Variants in NUDT5 observed in about 807,000 individuals in gnomAD.
NUDT5 encodes the protein ADP-sugar pyrophosphatase.
A neutral mutation model predicts 34.1 loss-of-function variants in NUDT5; 21 were observed. The observed-to-expected ratio is 0.62, with a 90% confidence interval of 0.44 to 0.89. NUDT5 has a LOEUF of 0.89. Among genes scored for constraint, NUDT5 ranks in the 40% least tolerant of loss-of-function variants. The pLI is 0.00. For missense variants in NUDT5, 249 were observed against 274.8 expected, an observed-to-expected ratio of 0.91 and a Z score of 0.66; for synonymous variants, 85 against 97.6, an observed-to-expected ratio of 0.87 and a Z score of 0.76.
Position 12,174,588 on chromosome 10 carries a change from T to C in NUDT5, c.290-775A>G, listed in dbSNP as rs568481359. 2.0e-5 allele frequency among the ~76,000 whole-genome samples: 3 copies of C among 152,280 alleles called. No individual in the cohort carries two copies. In the South Asian group the frequency reaches 6.2e-4, roughly 32 times the overall value. ...CACTGTGCCCAGCTTGGAATTTTTA[T>C]AGAAACAAAAAGGCGAAAGAATAAA... On this transcript the variant is annotated intron_variant, in intron 5 of 9. Coordinates refer to ENST00000491614, the MANE Select transcript of NUDT5 (RefSeq NM_014142.4).
Position 12,172,635 on chromosome 10 carries a change from T to C in NUDT5, c.487+130A>G, listed in dbSNP as rs556203706. On this transcript the variant is annotated intron_variant, in intron 7 of 9. Transcript: ENST00000491614. ...TGATTAGGAAGAGAGACAAGAATAC[T>C]GATGAAGTCTATTTGAAAGACCGAT... The C allele has an allele frequency of 1.1e-5, 7 of 647,850 alleles. No homozygotes were observed. In the African/African-American group the frequency reaches 1.3e-4, roughly 12 times the overall value. 40.1% of individuals were successfully genotyped at this position (647,850 alleles called of 1,614,324 possible).
chr10:12,170,921 A>G lies in NUDT5; in HGVS notation c.488-13T>C. ...ATACCTCCATCCCCTGGAAATAAAC[A>G]GAAGGAAAACATTTCAGCAAGGCCT... On this transcript the variant is annotated splice_polypyrimidine_tract_variant and intron_variant, in intron 7 of 9. Coordinates refer to ENST00000491614, the MANE Select transcript of NUDT5 (RefSeq NM_014142.4). This position sits in a 1 kb window ranked among gnomAD's most constrained non-coding sequence, Gnocchi z 4.9. The G allele has an allele frequency of 6.2e-7, 1 of 1,613,212 alleles. No individual in the cohort carries two copies. The highest frequency in any genetic ancestry group is 1.1e-5 in the South Asian group (1 of 90,854).
rs1834864495 is a variant in NUDT5, at chr10:12,171,889, T to G, written c.487+876A>C. ...ACAGGTGCGCACCACCATGCCTGGC[T>G]AATTTTTGTATTTTTAGTAGAGTCA... On this transcript the variant is annotated intron_variant, in intron 7 of 9. Transcript: ENST00000491614. The surrounding 1 kb of genome is among the most constrained non-coding windows in gnomAD (Gnocchi z 4.2). Among the ~76,000 whole-genome samples the G allele has an allele frequency of 1.3e-5, 2 of 151,876 alleles. No homozygotes were observed. The highest frequency in any genetic ancestry group is 1.5e-5 in the Non-Finnish European group (1 of 67,988).
chr10:12,190,495 T>C (rs977264741), intron 1 of NUDT5, among the ~76,000 whole-genome samples: 4 of 152,172 alleles, frequency 2.6e-5, no homozygotes, highest in Middle Eastern at 3.4e-3. Flanking sequence ...CGTTACAGTT[T>C]AGCAAGCACA....
At chr10:12,184,531 T>C in intron 3 of NUDT5, 2 of 1,541,960 alleles carry the variant, frequency 1.3e-6, no homozygotes, top group East Asian at 2.4e-5. Context: ...TCTTTATTTC[T>C]TCTAATTTAG....
rs544031665 is a variant in NUDT5 at position 12,179,318 on chromosome 10, A to G, written c.132-186T>C. 1.2e-4 allele frequency among the ~76,000 whole-genome samples: 18 copies of G among 152,332 alleles called. No individual in the cohort carries two copies. In the South Asian group the frequency reaches 3.7e-3, roughly 32 times the overall value. On this transcript the variant is annotated intron_variant, in intron 3 of 9. Coordinates refer to ENST00000491614, the MANE Select transcript of NUDT5 (RefSeq NM_014142.4). ...AATTCTGCTTTCCTATAGCTTCTGA[A>G]AATTAACAACGAAAACTCTTGCCAC...
In NUDT5 at chr10:12,170,131, C is replaced by G; in HGVS notation, c.550+586G>C. The G allele has an allele frequency of 1.2e-6, 2 of 1,612,504 alleles. No homozygotes were observed. Among genetic ancestry groups the G allele is most frequent in the Non-Finnish European group, 8.5e-7 (1 of 1,179,628 alleles). ...TGGTTTTATCAAAGGACTTTTCTCC[C>G]CATAAGCTTACTGTTTACAAAGTCT... On this transcript the variant is annotated intron_variant, in intron 9 of 9. Coordinates refer to ENST00000491614, the MANE Select transcript of NUDT5 (RefSeq NM_014142.4). The surrounding 1 kb of genome is among the most constrained non-coding windows in gnomAD (Gnocchi z 4.9).
In NUDT5 at chr10:12,169,097, C is replaced by T. The variant is rs1183199139; in HGVS notation, c.551-1286G>A. On this transcript the variant is annotated intron_variant, in intron 9 of 9. Transcript: ENST00000491614. This position sits in a 1 kb window ranked among gnomAD's most constrained non-coding sequence, Gnocchi z 4.8. ...ATCTTAAAATGTAATACTTTCCTTC[C>T]GACTTCTCAAATGTTGCTGGTTGAA... Among the ~76,000 whole-genome samples, 3 of 152,098 alleles carry T rather than the reference C, an allele frequency of 2.0e-5. No individual in the cohort carries two copies. Among genetic ancestry groups the T allele is most frequent in the Admixed American group, 6.6e-5 (1 of 15,252 alleles).
At position 12,170,089 on chromosome 10, in the gene NUDT5, T is replaced by A. The variant is rs562296135; in HGVS notation, c.550+628A>T. 1.2e-6 allele frequency: 2 copies of A among 1,608,662 alleles called. No individual in the cohort carries two copies. Among genetic ancestry groups the A allele is most frequent in the East Asian group, 4.5e-5 (2 of 44,770 alleles). On this transcript the variant is annotated intron_variant, in intron 9 of 9. Transcript: ENST00000491614. The surrounding 1 kb of genome is among the most constrained non-coding windows in gnomAD (Gnocchi z 4.9). ...CACACAGTATCTCCTCATGTCTCCA[T>A]ACAGTATCTCCTCTCGTGGTTTTAT...
intron 9 of NUDT5, 103 bp from the exon 10 acceptor site, chr10:12,167,914 C>G (rs1834746175): frequency 2.0e-6 from 3 of 1,526,234 alleles, no homozygotes; most frequent in African/African-American, 2.8e-5. Flanking sequence ...ATGTCACTTC[C>G]TATGCTAGAT....
Position 12,170,523 on chromosome 10 carries a change from G to T in NUDT5, c.550+194C>A. 2 of 653,098 alleles carry T rather than the reference G, an allele frequency of 3.1e-6. No individual in the cohort carries two copies. The highest frequency in any genetic ancestry group is 2.7e-6 in the Non-Finnish European group (1 of 371,552). The allele number at this position is 653,098 out of a possible 1,614,324, so 40.5% of individuals were successfully genotyped here. ...GTTTGCACTTGACCCAGAATGCTTT[G>T]CTCTTATTTTCAAACTCTGTGCCAC... is the stretch of plus-strand genomic sequence containing the variant. On this transcript the variant is annotated intron_variant, in intron 9 of 9. Transcript: ENST00000491614. The surrounding 1 kb of genome is among the most constrained non-coding windows in gnomAD (Gnocchi z 4.9).
chr10:12,178,952 T>A, intron 4 of NUDT5, 131 bp downstream of exon 4: 1 of 769,832 alleles, frequency 1.3e-6, no homozygotes, highest in Non-Finnish European at 2.2e-6. Flanking sequence ...TTACATAGTA[T>A]GGCAAAACCT....
intron 4 of NUDT5, among the ~76,000 whole-genome samples, chr10:12,178,166 A>C (rs1834986571): frequency 6.6e-6 from 1 of 152,072 alleles, no homozygotes; most frequent in Non-Finnish European, 1.5e-5. Flanking sequence ...AACATTTCCT[A>C]CAGGGTCAAG....
chr10:12,167,509 AG>A lies in NUDT5; in HGVS notation c.*192del. On this transcript the variant is annotated 3_prime_UTR_variant, in exon 10 of 10. Transcript: ENST00000491614. Reference sequence around the variant, plus strand: ...TATATTCTTTGTTAATTTTAGCTGGAGTTATAACAAATTTAAAGGAAGGTCA... The same window carrying A: ...TATATTCTTTGTTAATTTTAGCTGGATTATAACAAATTTAAAGGAAGGTCA... The A allele has an allele frequency of 1.8e-6, 1 of 542,374 alleles. No individual in the cohort carries two copies. The highest frequency in any genetic ancestry group is 4.9e-4 in the Middle Eastern group (1 of 2,052). The allele number at this position is 542,374 out of a possible 1,614,324, so 33.6% of individuals were successfully genotyped here.
At position 12,171,442 on chromosome 10, in the gene NUDT5, G is replaced by C. The variant is rs1280624502; in HGVS notation, c.488-534C>G. Among the ~76,000 whole-genome samples, 1 of 152,218 alleles carries C rather than the reference G, an allele frequency of 6.6e-6. No homozygotes were observed. Among genetic ancestry groups the C allele is most frequent in the African/African-American group, 2.4e-5 (1 of 41,452 alleles). On this transcript the variant is annotated intron_variant, in intron 7 of 9. Coordinates refer to ENST00000491614, the MANE Select transcript of NUDT5 (RefSeq NM_014142.4). The surrounding 1 kb of genome is among the most constrained non-coding windows in gnomAD (Gnocchi z 4.2). ...ATCGCATGTTTCAGCGTGTATGTGT[G>C]TTTGTGTGTATACCACACTTTGTGG... is the stretch of plus-strand genomic sequence containing the variant.
chr10:12,184,478 T>A lies in NUDT5; in HGVS notation c.131+411A>T, dbSNP rs980529433. 4.5e-6 allele frequency: 7 copies of A among 1,549,878 alleles called. No homozygotes were observed. In the Admixed American group the frequency reaches 1.4e-4, roughly 31 times the overall value. On this transcript the variant is annotated intron_variant, in intron 3 of 9. Coordinates refer to ENST00000491614, the MANE Select transcript of NUDT5 (RefSeq NM_014142.4). Reference sequence around the variant, plus strand: ...GTTTTTTTCCCAATTTGCATTTCCATGAGGCAGGCACGTACCTCAAAATTA... The same window carrying A: ...GTTTTTTTCCCAATTTGCATTTCCAAGAGGCAGGCACGTACCTCAAAATTA...
At chr10:12,178,061 A>G (rs1435208189) in intron 4 of NUDT5, among the ~76,000 whole-genome samples, 161 bp from the exon 5 acceptor site, 1 of 152,218 alleles carries the variant, frequency 6.6e-6, no homozygotes, top group South Asian at 2.1e-4. Flanking sequence ...AATGTAATTA[A>G]AAATCATCAC....
chr10:12,185,314 C>A (rs1835107863), intron 2 of NUDT5, among the ~76,000 whole-genome samples: 2 of 152,188 alleles, frequency 1.3e-5, no homozygotes, highest in African/African-American at 4.8e-5. Context: ...GTCCCCTGAC[C>A]TGGGTGCATA....
rs967446686 is a variant in NUDT5 at position 12,166,800 on chromosome 10, G to A, written c.*902C>T. 6.3e-6 allele frequency: 3 copies of A among 477,366 alleles called. No homozygotes were observed. Among genetic ancestry groups the A allele is most frequent in the Non-Finnish European group, 1.3e-5 (3 of 231,400 alleles). 29.6% of individuals were successfully genotyped at this position (477,366 alleles called of 1,614,324 possible). A position where few individuals can be genotyped will look rare whatever the true frequency, so the allele number is the denominator to read the frequency against. On this transcript the variant is annotated 3_prime_UTR_variant, in exon 10 of 10. Coordinates refer to ENST00000491614, the MANE Select transcript of NUDT5 (RefSeq NM_014142.4). ...CTCAAGAAGCTAAGAAAATGGCCCAGGAACACTGGTAGAACTGCTAGATGA... is the reference window on the plus strand; with the variant it reads ...CTCAAGAAGCTAAGAAAATGGCCCAAGAACACTGGTAGAACTGCTAGATGA...
Sources: allele counts gnomAD v4.1 joint callset (sites outside exome capture counted in the v4.1 genomes callset), GRCh38; gene constraint gnomAD v4.1.1; non-coding constraint Gnocchi (gnomAD v3.1); transcripts MANE v1.5; gene names NCBI Gene and HGNC (gene_info 2026-07-23, HGNC 2026-07-21).